The following SLC27A2 variants were observed in gnomAD, a reference collection of about 807,000 sequenced individuals.
SLC27A2 encodes solute carrier family 27 member 2.
SLC27A2 carries 54 observed loss-of-function variants against 60.0 expected under a neutral mutation model. The observed-to-expected ratio is 0.90, with a 90% confidence interval of 0.72 to 1.13. The LOEUF is 1.13. Ranked by LOEUF, SLC27A2 falls within the 50% of genes most tolerant of loss-of-function variation. The probability of loss-of-function intolerance (pLI) is 0.00; values close to 1 mark genes in which losing one functional copy is unlikely to be tolerated. For missense variants in SLC27A2, 739 were observed against 777.6 expected, an observed-to-expected ratio of 0.95 and a Z score of 0.59; for synonymous variants, 297 against 297.6, an observed-to-expected ratio of 1.00 and a Z score of 0.02.
At chr15:50,206,112 C>G (rs965134991) in intron 4 of SLC27A2, among the ~76,000 whole-genome samples, 4 of 152,186 alleles carry the variant, frequency 2.6e-5, no homozygotes, top group African/African-American at 7.2e-5. Flanking sequence ...AATGGTGGCA[C>G]TGCTGACATT....
At chr15:50,212,750 G>T (rs556682197) in intron 4 of SLC27A2, among the ~76,000 whole-genome samples, 1 of 152,228 alleles carries the variant, frequency 6.6e-6, no homozygotes, top group East Asian at 1.9e-4. Flanking sequence ...GAGAGAATTC[G>T]CCATTACCAC....
At chr15:50,229,771 CAG>C (rs1015409213) in intron 8 of SLC27A2, among the ~76,000 whole-genome samples, 5 of 152,106 alleles carry the variant, frequency 3.3e-5, no homozygotes, top group African/African-American at 1.2e-4. Flanking sequence ...TAATAGACAT[CAG>C]AGAGGATTCC....
intron 4 of SLC27A2, among the ~76,000 whole-genome samples, chr15:50,216,747 A>G (rs948502242): frequency 5.6e-5 from 8 of 143,886 alleles, no homozygotes; most frequent in Admixed American, 4.2e-4. Flanking sequence ...TTTTGGTTCC[A>G]TATGATATAT....
intron 4 of SLC27A2, among the ~76,000 whole-genome samples, chr15:50,210,131 G>A (rs1404781659): frequency 1.3e-5 from 2 of 152,184 alleles, no homozygotes; most frequent in Admixed American, 1.3e-4. Context: ...ACGGAGGACA[G>A]GATCATGGCG....
chr15:50,208,579 C>G (rs982493150), intron 4 of SLC27A2, among the ~76,000 whole-genome samples: 13 of 152,148 alleles, frequency 8.5e-5, no homozygotes, highest in African/African-American at 3.1e-4. Flanking sequence ...CTTTCCATGC[C>G]TAACAGTGTG....
chr15:50,222,823 G>A (rs981022331), intron 4 of SLC27A2, 142 bp from the exon 5 acceptor site: 2 of 646,446 alleles, frequency 3.1e-6, no homozygotes, highest in Non-Finnish European at 5.1e-6. Context: ...AGACACTAAG[G>A]GGCATTTATA....
chr15:50,196,080 ATATATATATATATATATATATAT>A (rs2045019325), intron 1 of SLC27A2, among the ~76,000 whole-genome samples: 92 of 7,812 alleles, frequency 0.012, 23 homozygotes, highest in African/African-American at 0.059. Flanking sequence ...AAAAAAAAAT[ATATATATATATATATATATATAT>A]ATATATATAT....
Position 50,236,306 on chromosome 15 carries a change from G to GTATT in SLC27A2, c.*212_*215dup, listed in dbSNP as rs1423077197. 9.7e-6 allele frequency: 4 copies of GTATT among 410,662 alleles called. No individual in the cohort carries two copies. The highest frequency in any genetic ancestry group is 2.1e-5 in the African/African-American group (1 of 48,778). The allele number at this position is 410,662 out of a possible 1,614,324, so 25.4% of individuals were successfully genotyped here. ...ATTTTTCAGTGTGCACCTACTGTTT[G>GTATT]TATTTGCAAACTGAGCTTGTTGGAG... On this transcript the variant is annotated 3_prime_UTR_variant, in exon 10 of 10. Coordinates refer to ENST00000267842, the MANE Select transcript of SLC27A2 (RefSeq NM_003645.4).
At chr15:50,186,454 T>TG (rs2044923767) in intron 1 of SLC27A2, among the ~76,000 whole-genome samples, 10 of 148,096 alleles carry the variant, frequency 6.8e-5, no homozygotes, top group African/African-American at 2.2e-4. Context: ...TTTGTTTGTT[T>TG]TTGAGACAGT....
Position 50,232,168 on chromosome 15 carries a change from A to G in SLC27A2, c.1556-1700A>G, listed in dbSNP as rs556852257. ...ATCATTCCACTATGGGTGATTCTGC[A>G]CAAGGCAATCACACACCTCAGCTTT... On this transcript the variant is annotated intron_variant, in intron 8 of 9. Coordinates refer to ENST00000267842, the MANE Select transcript of SLC27A2 (RefSeq NM_003645.4). Among the ~76,000 whole-genome samples the G allele has an allele frequency of 5.3e-5, 8 of 152,340 alleles. No homozygotes were observed. The East Asian group carries it at 1.5e-3, about 29-fold the overall frequency.
chr15:50,187,310 G>A (rs1323628328), intron 1 of SLC27A2, among the ~76,000 whole-genome samples: 1 of 152,210 alleles, frequency 6.6e-6, no homozygotes, highest in Admixed American at 6.5e-5. Context: ...CTGTATCAAT[G>A]TTGTAACTAA....
rs777295662 is a variant in SLC27A2 at position 50,197,626 on chromosome 15, C to T, written c.605C>T (p.Ser202Leu). 6.2e-7 allele frequency: 1 copy of T among 1,614,004 alleles called. No individual in the cohort carries two copies. Among genetic ancestry groups the T allele is most frequent in the Non-Finnish European group, 8.5e-7 (1 of 1,179,920 alleles). ...DSFLDKVDEVSTEPIPESWRS... is the reference protein window; with the variant it reads ...DSFLDKVDEVLTEPIPESWRS... ...TTCCTGGACAAAGTGGATGAAGTAT[C>T]AACTGAACCTATCCCAGAGTCATGG... is the stretch of plus-strand genomic sequence containing the variant. Residue 202 changes from serine (S) to leucine (L), a missense_variant, in exon 2 of 10, where the codon TCA becomes TTA. Transcript: ENST00000267842.
rs375711596 is a variant in SLC27A2, at chr15:50,231,170, G to A, written c.1555+2128G>A. ...TTTTTTTTTTTTTTTTTGAGACGGA[G>A]TTTCGCTCTCGTTGCCCAGGCTGGA... On this transcript the variant is annotated intron_variant, in intron 8 of 9. Coordinates refer to ENST00000267842, the MANE Select transcript of SLC27A2 (RefSeq NM_003645.4). Among the ~76,000 whole-genome samples, 384 of 140,084 alleles carry A rather than the reference G, an allele frequency of 2.7e-3. 2 individuals are homozygous for A. The highest frequency in any genetic ancestry group is 9.7e-3 in the African/African-American group (367 of 37,650). The allele number at this position is 140,084 out of a possible 152,430, so 91.9% of individuals were successfully genotyped here. A position where few individuals can be genotyped will look rare whatever the true frequency, so the allele number is the denominator to read the frequency against.
chr15:50,189,421 G>A (rs2044955283), intron 1 of SLC27A2, among the ~76,000 whole-genome samples: 1 of 152,082 alleles, frequency 6.6e-6, no homozygotes, highest in African/African-American at 2.4e-5. Flanking sequence ...CCCTGTACAA[G>A]GACAGAAACC....
intron 4 of SLC27A2, among the ~76,000 whole-genome samples, chr15:50,215,985 G>A (rs180932426): frequency 5.3e-5 from 8 of 152,228 alleles, no homozygotes; most frequent in Non-Finnish European, 8.8e-5. Context: ...ACTAAAGAAC[G>A]TTTGCACAGC....
intron 4 of SLC27A2, among the ~76,000 whole-genome samples, chr15:50,221,127 G>T (rs8035897): frequency 0.032 from 4,797 of 151,954 alleles, 218 homozygotes; most frequent in African/African-American, 0.097. Flanking sequence ...GATCGCTTGA[G>T]CCTGGGAGTT....
At chr15:50,231,901 G>A (rs760856330) in intron 8 of SLC27A2, among the ~76,000 whole-genome samples, 1 of 152,186 alleles carries the variant, frequency 6.6e-6, no homozygotes, top group Admixed American at 6.5e-5. Context: ...AATAGAATGG[G>A]CTTGTCTCCC....
intron 2 of SLC27A2, among the ~76,000 whole-genome samples, chr15:50,202,030 T>G (rs1035245283): frequency 5.3e-5 from 8 of 152,200 alleles, no homozygotes; most frequent in African/African-American, 1.9e-4. Flanking sequence ...TTATGGATTT[T>G]TAAAATGTCT....
intron 4 of SLC27A2, among the ~76,000 whole-genome samples, chr15:50,207,833 G>T: frequency 6.6e-6 from 1 of 150,544 alleles, no homozygotes. Context: ...ACAATCATAT[G>T]TCATTAGACA....
Sources: allele counts gnomAD v4.1 joint callset (sites outside exome capture counted in the v4.1 genomes callset), GRCh38; gene constraint gnomAD v4.1.1; transcripts MANE v1.5; gene names NCBI Gene and HGNC (gene_info 2026-07-23, HGNC 2026-07-21).